The following OSTF1 variants were observed in gnomAD, a reference collection of about 807,000 sequenced individuals.
OSTF1 encodes osteoclast-stimulating factor 1.
Under a neutral mutation model 37.2 loss-of-function variants are expected in OSTF1, and 27 were observed. The ratio of observed to expected loss-of-function variants is 0.73; its 90% confidence interval spans 0.54 to 1.00. OSTF1 has a LOEUF of 1.00. OSTF1 is among the 50% of genes least tolerant of loss of function. The pLI is 0.00. For synonymous variants in OSTF1, 82 were observed against 89.2 expected, an observed-to-expected ratio of 0.92 and a Z score of 0.46; for missense variants, 232 against 253.8, an observed-to-expected ratio of 0.91 and a Z score of 0.58.
intron 2 of OSTF1, among the ~76,000 whole-genome samples, chr9:75,120,436 G>C (rs772092136): frequency 6.6e-6 from 1 of 152,052 alleles, no homozygotes; most frequent in Non-Finnish European, 1.5e-5. Flanking sequence ...GGGTGGTTAG[G>C]TGCCAGCCTG....
chr9:75,144,128 T>C (rs1321142410), intron 9 of OSTF1, among the ~76,000 whole-genome samples: 1 of 152,212 alleles, frequency 6.6e-6, no homozygotes, highest in East Asian at 1.9e-4. Flanking sequence ...TGACATGAAG[T>C]CCTGAAGGTC....
At chr9:75,095,524 GGGAAAAGTCATTT>G (rs1312063192) in intron 1 of OSTF1, among the ~76,000 whole-genome samples, 1 of 152,118 alleles carries the variant, frequency 6.6e-6, no homozygotes, top group African/African-American at 2.4e-5. Context: ...GCAGCAAAGG[GGGAAAAGTCATTT>G]GATTCAGGCA....
chr9:75,137,253 A>G (rs1825857392), intron 7 of OSTF1, among the ~76,000 whole-genome samples: 1 of 152,018 alleles, frequency 6.6e-6, no homozygotes, highest in African/African-American at 2.4e-5. Flanking sequence ...GCATGTTCAA[A>G]TCTGCTTCCT....
chr9:75,111,258 C>T (rs1269501169), intron 1 of OSTF1, among the ~76,000 whole-genome samples: 1 of 152,212 alleles, frequency 6.6e-6, no homozygotes, highest in African/African-American at 2.4e-5. Flanking sequence ...ACCCTTCTCT[C>T]TGCCTTTGCC....
intron 1 of OSTF1, among the ~76,000 whole-genome samples, chr9:75,091,173 C>T (rs990720537): frequency 2.0e-5 from 3 of 151,182 alleles, no homozygotes; most frequent in African/African-American, 7.3e-5. Context: ...GCAACCTCCG[C>T]CTCTCGGGAT....
chr9:75,124,874 A>G (rs1035335917), intron 2 of OSTF1, among the ~76,000 whole-genome samples: 2 of 152,186 alleles, frequency 1.3e-5, no homozygotes, highest in Admixed American at 6.5e-5. Flanking sequence ...AGGAGGGTCA[A>G]ACTGTAGAGA....
intron 2 of OSTF1, among the ~76,000 whole-genome samples, chr9:75,124,576 A>G: frequency 6.6e-6 from 1 of 152,152 alleles, no homozygotes; most frequent in East Asian, 1.9e-4. Flanking sequence ...TTTAAAGTGA[A>G]TCATTTGGTG....
chr9:75,118,066 A>G (rs1279196568), intron 2 of OSTF1, among the ~76,000 whole-genome samples: 1 of 152,226 alleles, frequency 6.6e-6, no homozygotes, highest in Non-Finnish European at 1.5e-5. Flanking sequence ...TAGTGCAGGG[A>G]CAACAGAAAG....
At chr9:75,136,358 G>A (rs899728172) in intron 7 of OSTF1, among the ~76,000 whole-genome samples, 1 of 152,004 alleles carries the variant, frequency 6.6e-6, no homozygotes, top group Non-Finnish European at 1.5e-5. Context: ...AATATTGTAG[G>A]CTTTCCACGA....
At chr9:75,135,193 T>C (rs766116323) in intron 7 of OSTF1, among the ~76,000 whole-genome samples, 5 of 152,182 alleles carry the variant, frequency 3.3e-5, no homozygotes, top group Admixed American at 6.5e-5. Flanking sequence ...AAGCTTGGGA[T>C]TGATTATATG....
At chr9:75,121,718 GTC>G (rs201707112) in intron 2 of OSTF1, among the ~76,000 whole-genome samples, 6 of 151,964 alleles carry the variant, frequency 3.9e-5, no homozygotes, top group Admixed American at 2.0e-4. Context: ...AAGCTGTTTG[GTC>G]TCTCTCTCTC....
chr9:75,143,337 T>G (rs528539460), intron 9 of OSTF1, among the ~76,000 whole-genome samples: 82 of 152,308 alleles, frequency 5.4e-4, no homozygotes, highest in African/African-American at 1.9e-3. Flanking sequence ...CTTTAACATT[T>G]TTTTCCAACT....
At chr9:75,098,573 T>C (rs1423731078) in intron 1 of OSTF1, among the ~76,000 whole-genome samples, 1 of 152,152 alleles carries the variant, frequency 6.6e-6, no homozygotes, top group African/African-American at 2.4e-5. Context: ...CTGAAGACTT[T>C]TATGTTTGGA....
At chr9:75,129,044 T>G (rs1198977964) in intron 3 of OSTF1, among the ~76,000 whole-genome samples, 14 of 152,040 alleles carry the variant, frequency 9.2e-5, no homozygotes, top group Admixed American at 9.2e-4. Context: ...CAGAACATCC[T>G]CTTATTAGAA....
rs1174174895 is a variant in OSTF1 at position 75,128,363 on chromosome 9, CATATATATATATATATAT to C, written c.132+771_132+788del. ...GTAGAATATGGATATGTATGAAAGACATATATATATATATATATATATATATATATATATATATATATA... is the reference window on the plus strand; with the variant it reads ...GTAGAATATGGATATGTATGAAAGACATATATATATATATATATATATATA... On this transcript the variant is annotated intron_variant, in intron 3 of 9. Transcript: ENST00000346234. Among the ~76,000 whole-genome samples, 82 of 11,518 alleles carry C rather than the reference CATATATATATATATATAT, an allele frequency of 7.1e-3. 4 individuals are homozygous for C. Among genetic ancestry groups the C allele is most frequent in the Middle Eastern group, 0.17 (1 of 6 alleles). The allele number at this position is 11,518 out of a possible 152,430, so 7.6% of individuals were successfully genotyped here. A position where few individuals can be genotyped will look rare whatever the true frequency, so the allele number is the denominator to read the frequency against.
chr9:75,117,032 A>G (rs898181863), intron 1 of OSTF1, among the ~76,000 whole-genome samples: 5 of 152,060 alleles, frequency 3.3e-5, no homozygotes, highest in South Asian at 2.1e-4. Context: ...ATATTTTTCT[A>G]TGTAGTCACA....
At chr9:75,131,948 T>A (rs760889748) in intron 5 of OSTF1, 125 bp downstream of exon 5, 40 of 690,372 alleles carry the variant, frequency 5.8e-5, no homozygotes, top group Admixed American at 3.9e-4. Context: ...ATTTCTGCCA[T>A]CCTAGAAAGT....
intron 2 of OSTF1, among the ~76,000 whole-genome samples, chr9:75,124,228 G>A (rs1825626772): frequency 6.6e-6 from 1 of 152,118 alleles, no homozygotes; most frequent in Non-Finnish European, 1.5e-5. Flanking sequence ...ATCACATCAT[G>A]GGATATTAAG....
intron 1 of OSTF1, among the ~76,000 whole-genome samples, chr9:75,103,422 A>G (rs1825229814): frequency 6.6e-6 from 1 of 152,222 alleles, no homozygotes; most frequent in Non-Finnish European, 1.5e-5. Context: ...AAAGAAGAAA[A>G]TAAGTATGAC....
Sources: allele counts gnomAD v4.1 joint callset (sites outside exome capture counted in the v4.1 genomes callset), GRCh38; gene constraint gnomAD v4.1.1; transcripts MANE v1.5; gene names NCBI Gene and HGNC (gene_info 2026-07-23, HGNC 2026-07-21).